DHRSX: variants seen among roughly 807,000 people sequenced by gnomAD.
The protein encoded by DHRSX is dehydrogenase/reductase X-linked, also known as polyprenol dehydrogenase.
Under a neutral mutation model 34.0 loss-of-function variants are expected in DHRSX, and 31 were observed. That is an observed-to-expected ratio of 0.91 (90% CI 0.69 to 1.23). The LOEUF is 1.23. DHRSX is among the 50% of genes most tolerant of loss of function. The pLI is 0.00. For synonymous variants in DHRSX, 201 were observed against 183.8 expected (o/e 1.09, Z -0.76); for missense variants, 414 against 428.1 (o/e 0.97, Z 0.29).
chrX:2,360,954 A>G (rs1407915739), intron 3 of DHRSX, among the ~76,000 whole-genome samples: 1 of 152,188 alleles, frequency 6.6e-6, no homozygotes, highest in East Asian at 1.9e-4. Flanking sequence ...AATTTGGGGA[A>G]TGAGGAAATG....
intron 6 of DHRSX, among the ~76,000 whole-genome samples, chrX:2,242,763 C>A (rs763902111): frequency 6.6e-6 from 1 of 152,090 alleles, no homozygotes; most frequent in East Asian, 1.9e-4. Context: ...ATGAATAATC[C>A]CCCCCTCGTT....
At chrX:2,484,989 T>C (rs760206040) in intron 1 of DHRSX, among the ~76,000 whole-genome samples, 46 of 152,254 alleles carry the variant, frequency 3.0e-4, no homozygotes, top group Non-Finnish European at 5.9e-4. Flanking sequence ...TTCCCCAAGC[T>C]GTTTTCCTCA....
intron 3 of DHRSX, among the ~76,000 whole-genome samples, chrX:2,298,273 T>G (rs905702047): frequency 2.0e-5 from 3 of 149,908 alleles, no homozygotes; most frequent in African/African-American, 7.4e-5. Context: ...CCTCCAGACC[T>G]GGGAGAGGAT....
intron 5 of DHRSX, among the ~76,000 whole-genome samples, chrX:2,266,023 T>C (rs1176213407): frequency 0.043 from 1,439 of 33,666 alleles, no homozygotes; most frequent in Middle Eastern, 0.11. Flanking sequence ...GAAGCACTGT[T>C]CCCAGAGCAC....
chrX:2,386,987 G>C (rs1176305409), intron 3 of DHRSX, among the ~76,000 whole-genome samples: 1 of 150,886 alleles, frequency 6.6e-6, no homozygotes, highest in East Asian at 1.9e-4. Context: ...ATTTCTTAGA[G>C]GCCCAGTCAT....
At chrX:2,315,176 C>G (rs35870130) in intron 3 of DHRSX, among the ~76,000 whole-genome samples, 109,946 of 150,722 alleles carry the variant, frequency 0.73, 41,148 homozygotes, top group African/African-American at 0.83. Context: ...AAAAAAAAAA[C>G]GTTAGGTCTT....
intron 1 of DHRSX, chrX:2,488,411 C>T (rs4892931): frequency 0.22 from 118,353 of 541,052 alleles, 16,962 homozygotes; most frequent in East Asian, 0.65. Context: ...CTGACCTCAG[C>T]TGATCTGCCC....
chrX:2,249,805 T>C (rs1292694931), intron 5 of DHRSX, among the ~76,000 whole-genome samples: 1 of 151,490 alleles, frequency 6.6e-6, no homozygotes, highest in Non-Finnish European at 1.5e-5. Context: ...ATTACAAGCG[T>C]GAGCCAACGC....
intron 6 of DHRSX, among the ~76,000 whole-genome samples, chrX:2,227,538 G>A (rs1184195061): frequency 6.9e-5 from 9 of 129,654 alleles, no homozygotes; most frequent in African/African-American, 2.1e-4. Flanking sequence ...AGAAAGGAGG[G>A]AGGAAGAAAA....
chrX:2,228,985 C>T (rs973531365), intron 6 of DHRSX, among the ~76,000 whole-genome samples: 2 of 152,172 alleles, frequency 1.3e-5, no homozygotes, highest in African/African-American at 4.8e-5. Context: ...AATGGCATCA[C>T]CCGGGATGTC....
chrX:2,495,650 C>T (rs749127760), intron 1 of DHRSX, among the ~76,000 whole-genome samples: 100 of 152,334 alleles, frequency 6.6e-4, no homozygotes, highest in African/African-American at 2.4e-3. Context: ...AGTGAGTACC[C>T]TCCTTCCTCC....
chrX:2,276,868 GAGA>G (rs1238956954), intron 4 of DHRSX, among the ~76,000 whole-genome samples: 4 of 50,816 alleles, frequency 7.9e-5, no homozygotes, highest in African/African-American at 3.9e-4. Flanking sequence ...GAGAGGGAGA[GAGA>G]AGGAGGGGAG....
At chrX:2,484,413 G>T (rs762753916) in intron 1 of DHRSX, among the ~76,000 whole-genome samples, 21 of 152,258 alleles carry the variant, frequency 1.4e-4, no homozygotes, top group Non-Finnish European at 2.5e-4. Context: ...TCCCGCATCT[G>T]ACTGCAACAC....
intron 1 of DHRSX, among the ~76,000 whole-genome samples, chrX:2,462,563 G>A (rs913758002): frequency 6.6e-6 from 1 of 151,934 alleles, no homozygotes; most frequent in Non-Finnish European, 1.5e-5. Flanking sequence ...AGATAGTATC[G>A]GACATGCTGG....
At chrX:2,316,077 G>T (rs1395314078) in intron 3 of DHRSX, among the ~76,000 whole-genome samples, 4 of 151,966 alleles carry the variant, frequency 2.6e-5, no homozygotes, top group Non-Finnish European at 5.9e-5. Flanking sequence ...GGAAAGAGTG[G>T]TCTCAAACTC....
intron 4 of DHRSX, among the ~76,000 whole-genome samples, chrX:2,271,285 G>C (rs2041551156): frequency 6.6e-6 from 1 of 152,168 alleles, no homozygotes; most frequent in African/African-American, 2.4e-5. Flanking sequence ...CACCGTGAGG[G>C]TCTGCGGCTT....
At position 2,239,523 on chromosome X, in the gene DHRSX, G is replaced by A. The variant is rs1406195682; in HGVS notation, c.804+3500C>T. Among the ~76,000 whole-genome samples the A allele has an allele frequency of 1.2e-4, 19 of 152,046 alleles. 1 individual carries two copies. The South Asian group carries it at 3.1e-3, about 25-fold the overall frequency. The stretch of plus-strand genomic sequence containing the variant: ...TGTAATCCCAACACTTTGAGAGGCC[G>A]AGGCAGGTGGATCACGAGGTCAGGA... On this transcript the variant is annotated intron_variant, in intron 6 of 6. Transcript: ENST00000334651.
intron 1 of DHRSX, among the ~76,000 whole-genome samples, chrX:2,477,170 C>G: frequency 6.6e-6 from 1 of 152,114 alleles, no homozygotes; most frequent in South Asian, 2.1e-4. Context: ...GAAGCTGTTT[C>G]CCTGCTCTGG....
intron 3 of DHRSX, among the ~76,000 whole-genome samples, chrX:2,343,725 T>C (rs1362648870): frequency 6.6e-6 from 1 of 152,236 alleles, no homozygotes; most frequent in Non-Finnish European, 1.5e-5. Context: ...CTTTTTTTTG[T>C]CCACATCAAT....
Sources: gnomAD v4.1 joint callset for allele counts (sites outside exome capture counted in the v4.1 genomes callset) on GRCh38, gnomAD v4.1.1 for gene constraint, MANE v1.5 for transcripts, NCBI Gene and HGNC (gene_info 2026-07-23, HGNC 2026-07-21) for gene names.